The following PACSIN2 variants were observed in gnomAD, a reference collection of about 807,000 sequenced individuals.
PACSIN2 encodes the protein protein kinase C and casein kinase substrate in neurons protein 2.
A neutral mutation model predicts 63.8 loss-of-function variants in PACSIN2; 25 were observed. That is an observed-to-expected ratio of 0.39 (90% CI 0.29 to 0.55). The LOEUF is 0.55. Ranked by LOEUF, PACSIN2 falls within the 20% of genes least tolerant of loss-of-function variation. The pLI, the probability that PACSIN2 is intolerant of heterozygous loss-of-function variation, is 0.62. For synonymous variants in PACSIN2, 255 were observed against 256.2 expected (o/e 1.00, Z 0.05); for missense variants, 518 against 646.9 (o/e 0.80, Z 2.16).
At chr22:43,010,555 A>G (rs1014074540) in intron 1 of PACSIN2, among the ~76,000 whole-genome samples, 4 of 152,040 alleles carry the variant, frequency 2.6e-5, no homozygotes, top group African/African-American at 9.7e-5. Context: ...CTAAAAATAC[A>G]AAACATTAGC....
intron 10 of PACSIN2, among the ~76,000 whole-genome samples, chr22:42,873,395 A>C (rs1928325196): frequency 6.6e-6 from 1 of 152,208 alleles, no homozygotes; most frequent in Non-Finnish European, 1.5e-5. Flanking sequence ...AAAACAAAAA[A>C]ACCCAACTTC....
intron 1 of PACSIN2, among the ~76,000 whole-genome samples, chr22:42,935,758 G>GC (rs1469562086): frequency 6.6e-6 from 1 of 152,050 alleles, no homozygotes; most frequent in Admixed American, 6.5e-5. Flanking sequence ...AACACAGGTG[G>GC]CCCCACAAGC....
rs151109335 is a variant in PACSIN2, at chr22:42,971,221, G to A, written c.-78+43800C>T. On this transcript the variant is annotated intron_variant, in intron 1 of 10. Transcript: ENST00000263246. ...CTGCCTCAGCCTGCCAAGCGCCTGG[G>A]ATTGCAGGCGCGCGCCGCCACGCCT... is the stretch of plus-strand genomic sequence containing the variant. Among the ~76,000 whole-genome samples the A allele has an allele frequency of 4.9e-3, 745 of 152,322 alleles. 3 individuals are homozygous for A. The highest frequency in any genetic ancestry group is 8.7e-3 in the Non-Finnish European group (589 of 68,024).
At chr22:42,982,541 T>C (rs1360526522) in intron 1 of PACSIN2, among the ~76,000 whole-genome samples, 1 of 87,600 alleles carries the variant, frequency 1.1e-5, no homozygotes, top group African/African-American at 5.4e-5. Context: ...GAAAAATTCT[T>C]CTGCCTTGGG....
chr22:42,889,225 G>T (rs1929717396), intron 4 of PACSIN2, among the ~76,000 whole-genome samples: 1 of 152,114 alleles, frequency 6.6e-6, no homozygotes, highest in Non-Finnish European at 1.5e-5. Flanking sequence ...CACGCACATG[G>T]AGGGGTTATG....
chr22:42,894,689 A>G (rs1212550327), intron 2 of PACSIN2, among the ~76,000 whole-genome samples: 1 of 152,230 alleles, frequency 6.6e-6, no homozygotes, highest in Non-Finnish European at 1.5e-5. Flanking sequence ...TAACTGAGGA[A>G]ATGTTAATGG....
chr22:42,878,904 T>G (rs1189291766), intron 8 of PACSIN2, 144 bp downstream of exon 8: 1 of 884,168 alleles, frequency 1.1e-6, no homozygotes, highest in East Asian at 2.8e-5. Context: ...ACCTCCCAGG[T>G]GTCCAGGCTG....
intron 1 of PACSIN2, among the ~76,000 whole-genome samples, chr22:42,983,547 CA>C: frequency 6.8e-6 from 1 of 146,722 alleles, no homozygotes; most frequent in Non-Finnish European, 1.5e-5. Flanking sequence ...GTGGCATATG[CA>C]AAAAAAATAA....
chr22:42,900,617 T>C (rs1930619467), intron 2 of PACSIN2, among the ~76,000 whole-genome samples: 1 of 152,034 alleles, frequency 6.6e-6, no homozygotes, highest in Non-Finnish European at 1.5e-5. Context: ...GGACCACAGG[T>C]ATGTACCACT....
At chr22:42,975,024 A>G (rs1921594695) in intron 1 of PACSIN2, among the ~76,000 whole-genome samples, 1 of 152,194 alleles carries the variant, frequency 6.6e-6, no homozygotes. Flanking sequence ...AGAGTCAGCA[A>G]GCCCACCTGC....
At position 42,965,855 on chromosome 22, in the gene PACSIN2, C is replaced by T. The variant is rs114385074; in HGVS notation, c.-78+49166G>A. 4.4e-3 allele frequency among the ~76,000 whole-genome samples: 669 copies of T among 152,186 alleles called. 4 individuals are homozygous for T. Among genetic ancestry groups the T allele is most frequent in the African/African-American group, 0.015 (616 of 41,516 alleles). On this transcript the variant is annotated intron_variant, in intron 1 of 10. Transcript: ENST00000263246. ...TAAAATTTAATATGATAATTTAAGG[C>T]ATTAGTTTCTCTCTTCAAATAAGTA...
intron 10 of PACSIN2, among the ~76,000 whole-genome samples, chr22:42,873,954 A>G (rs1928372435): frequency 6.6e-6 from 1 of 151,886 alleles, no homozygotes; most frequent in Non-Finnish European, 1.5e-5. Context: ...ATGCCTGAAT[A>G]ATTTTTTTAT....
chr22:42,893,693 A>T, intron 2 of PACSIN2, 80 bp from the exon 3 acceptor site: 1 of 1,471,266 alleles, frequency 6.8e-7, no homozygotes. Flanking sequence ...CTCCATGCCA[A>T]CCAGGCCCTG....
chr22:42,893,663 T>C (rs757301717), intron 2 of PACSIN2, 50 bp from the exon 3 acceptor site: 2 of 1,582,346 alleles, frequency 1.3e-6, no homozygotes, highest in East Asian at 4.5e-5. Context: ...CAGCCTGTCC[T>C]TGGCTGTGGC....
intron 1 of PACSIN2, among the ~76,000 whole-genome samples, chr22:42,939,271 C>T (rs1933041961): frequency 6.6e-6 from 1 of 152,208 alleles, no homozygotes; most frequent in African/African-American, 2.4e-5. Flanking sequence ...GGTTGGCAAG[C>T]ACCCTGGGAA....
intron 1 of PACSIN2, among the ~76,000 whole-genome samples, chr22:42,995,947 G>A (rs2284095): frequency 0.61 from 92,741 of 152,034 alleles, 28,898 homozygotes; most frequent in East Asian, 0.81. Flanking sequence ...TTGGCTGGGC[G>A]TGGTGGCTCA....
intron 1 of PACSIN2, among the ~76,000 whole-genome samples, chr22:42,923,093 A>C (rs1376721953): frequency 2.0e-5 from 3 of 152,216 alleles, no homozygotes; most frequent in African/African-American, 4.8e-5. Context: ...GGTGCACTTT[A>C]GAAAGGACTA....
chr22:43,003,698 G>A (rs891991086), intron 1 of PACSIN2, among the ~76,000 whole-genome samples: 7 of 152,162 alleles, frequency 4.6e-5, no homozygotes, highest in African/African-American at 1.7e-4. Context: ...AAGACCTTTC[G>A]CAATTTTACA....
At chr22:42,973,680 C>T (rs997614580) in intron 1 of PACSIN2, among the ~76,000 whole-genome samples, 1 of 152,210 alleles carries the variant, frequency 6.6e-6, no homozygotes, top group South Asian at 2.1e-4. Context: ...CCCATAAACC[C>T]AGACTGGGTT....
Sources: gnomAD v4.1 joint callset for allele counts (sites outside exome capture counted in the v4.1 genomes callset) on GRCh38, gnomAD v4.1.1 for gene constraint, MANE v1.5 for transcripts, NCBI Gene and HGNC (gene_info 2026-07-23, HGNC 2026-07-21) for gene names.